Variants in ERLEC1 observed in about 807,000 individuals in gnomAD.
ERLEC1 encodes the protein ER lectin.
ERLEC1 carries 47 observed loss-of-function variants against 68.0 expected under a neutral mutation model. That is an observed-to-expected ratio of 0.69 (90% CI 0.55 to 0.88). The LOEUF is 0.88. ERLEC1 is among the 40% of genes least tolerant of loss of function. ERLEC1 has a pLI of 0.00. For missense variants in ERLEC1, 567 were observed against 583.8 expected (o/e 0.97, Z 0.30); for synonymous variants, 225 against 203.2 (o/e 1.11, Z -0.91).
intron 13 of ERLEC1, among the ~76,000 whole-genome samples, chr2:53,816,418 G>C (rs1308470464): frequency 6.6e-6 from 1 of 151,688 alleles, no homozygotes; most frequent in East Asian, 1.9e-4. Context: ...AGGCATATAT[G>C]GTACCACGTC....
intron 1 of ERLEC1, 129 bp downstream of exon 1, chr2:53,787,501 G>C: frequency 1.8e-6 from 2 of 1,142,706 alleles, no homozygotes; most frequent in Non-Finnish European, 2.4e-6. Context: ...CCAAGCCAAA[G>C]CTGCTTTTAT....
intron 13 of ERLEC1, among the ~76,000 whole-genome samples, chr2:53,815,386 A>G (rs1235478958): frequency 6.6e-6 from 1 of 152,178 alleles, no homozygotes; most frequent in Non-Finnish European, 1.5e-5. Flanking sequence ...CATACCACTC[A>G]TGTAATAGTT....
intron 1 of ERLEC1, among the ~76,000 whole-genome samples, chr2:53,791,906 T>TAAAAA (rs569591198): frequency 8.5e-6 from 1 of 117,762 alleles, no homozygotes; most frequent in East Asian, 2.9e-4. Flanking sequence ...AATGCTCTTT[T>TAAAAA]AAAAAAAAAA....
intron 8 of ERLEC1, among the ~76,000 whole-genome samples, chr2:53,807,786 T>C (rs544670622): frequency 3.7e-4 from 56 of 152,098 alleles, no homozygotes; most frequent in Non-Finnish European, 6.0e-4. Flanking sequence ...GTGGGTAGAT[T>C]ACTTGAGGTC....
At chr2:53,802,695 C>T (rs1406303465) in intron 8 of ERLEC1, among the ~76,000 whole-genome samples, 2 of 152,180 alleles carry the variant, frequency 1.3e-5, no homozygotes, top group Non-Finnish European at 2.9e-5. Flanking sequence ...CCTCATCTTT[C>T]ATCACCATTC....
chr2:53,814,471 C>A, intron 11 of ERLEC1, 72 bp from the exon 12 acceptor site: 2 of 1,053,782 alleles, frequency 1.9e-6, no homozygotes, highest in Non-Finnish European at 2.9e-6. Context: ...ACCATCTTCT[C>A]ACCCTACCCA....
chr2:53,812,182 T>C (rs1480847803), intron 10 of ERLEC1, among the ~76,000 whole-genome samples: 1 of 152,114 alleles, frequency 6.6e-6, no homozygotes, highest in African/African-American at 2.4e-5. Context: ...CCCAAAATGG[T>C]GGGATTACAA....
At chr2:53,802,133 T>C (rs1676039780) in intron 8 of ERLEC1, among the ~76,000 whole-genome samples, 1 of 152,182 alleles carries the variant, frequency 6.6e-6, no homozygotes, top group African/African-American at 2.4e-5. Context: ...TCTTGAAAAA[T>C]AGACTAAAAC....
chr2:53,787,528 C>A (rs1675117849), intron 1 of ERLEC1, 156 bp downstream of exon 1: 1 of 826,434 alleles, frequency 1.2e-6, no homozygotes, highest in Non-Finnish European at 1.8e-6. Context: ...TTCATTCATT[C>A]GTTCGTTCTC....
intron 10 of ERLEC1, among the ~76,000 whole-genome samples, chr2:53,812,731 C>G (rs901182721): frequency 2.6e-5 from 4 of 151,948 alleles, no homozygotes; most frequent in Non-Finnish European, 5.9e-5. Context: ...TTAGAGCTAG[C>G]CTTACTAAAA....
chr2:53,797,142 A>G (rs1037715362), intron 3 of ERLEC1, among the ~76,000 whole-genome samples: 1 of 152,024 alleles, frequency 6.6e-6, no homozygotes, highest in Non-Finnish European at 1.5e-5. Flanking sequence ...TGATCTGCCC[A>G]CCTTGGCCTC....
chr2:53,796,246 G>GTTTTTTTTTTTTTTTT (rs200295316), intron 3 of ERLEC1, among the ~76,000 whole-genome samples: 1 of 126,466 alleles, frequency 7.9e-6, no homozygotes, highest in Non-Finnish European at 1.7e-5. Flanking sequence ...TGATGGGTTG[G>GTTTTTTTTTTTTTTTT]TTTTTTTTTT....
chr2:53,793,326 A>G (rs1319976760), intron 1 of ERLEC1, among the ~76,000 whole-genome samples: 1 of 152,212 alleles, frequency 6.6e-6, no homozygotes, highest in Non-Finnish European at 1.5e-5. Flanking sequence ...TTCATAGTGT[A>G]GAAAGCTTTA....
chr2:53,805,715 A>C (rs1435633603), intron 8 of ERLEC1, among the ~76,000 whole-genome samples: 1 of 152,222 alleles, frequency 6.6e-6, no homozygotes, highest in Non-Finnish European at 1.5e-5. Context: ...TTTTTTGAGA[A>C]AGCTCCAGAC....
At chr2:53,797,053 C>T (rs933597643) in intron 3 of ERLEC1, among the ~76,000 whole-genome samples, 1 of 152,000 alleles carries the variant, frequency 6.6e-6, no homozygotes, top group South Asian at 2.1e-4. Flanking sequence ...TACCACATCC[C>T]GCTAATTTTT....
At chr2:53,789,298 G>A (rs902218304) in intron 1 of ERLEC1, among the ~76,000 whole-genome samples, 1 of 150,638 alleles carries the variant, frequency 6.6e-6, no homozygotes, top group African/African-American at 2.4e-5. Context: ...GGAGGCCGAG[G>A]CAGGAGAATC....
rs762626631 is a variant in ERLEC1 at position 53,801,813 on chromosome 2, C to T, written c.850C>T (p.Leu284=). The T allele has an allele frequency of 6.2e-7, 1 of 1,613,768 alleles. No homozygotes were observed. Among genetic ancestry groups the T allele is most frequent in the Non-Finnish European group, 8.5e-7 (1 of 1,179,768 alleles). Residue 284 remains leucine, a synonymous_variant, in exon 8 of 14, where the codon CTA becomes TTA. Transcript: ENST00000185150. ...GCAGCTGGAGCAGCAGGAAGAAATA[C>T]TAAGGGTGCCTTTTAGGAGAAATAA... is the stretch of plus-strand genomic sequence containing the variant. ...LRQLEQQEEI[L]RVPFRRNKEE...
chr2:53,788,834 T>C lies in ERLEC1; in HGVS notation c.162+1462T>C, dbSNP rs577868751. ...TTTAGCAGGCTTGGAAGAGAATACT[T>C]TAATACCTGTTGTTGTATCCAAAGA... is the stretch of plus-strand genomic sequence containing the variant. On this transcript the variant is annotated intron_variant, in intron 1 of 13. Coordinates refer to ENST00000185150, the MANE Select transcript of ERLEC1 (RefSeq NM_015701.5). 3 of 152,298 alleles carry C rather than the reference T, an allele frequency of 2.0e-5. No homozygotes were observed. In the East Asian group the frequency reaches 5.8e-4, roughly 29 times the overall value. The allele number at this position is 152,298 out of a possible 1,614,324, so 9.4% of individuals were successfully genotyped here.
At chr2:53,813,176 T>TG (rs1676684239) in intron 11 of ERLEC1, 103 bp downstream of exon 11, 2 of 1,412,094 alleles carry the variant, frequency 1.4e-6, no homozygotes, top group Admixed American at 4.9e-5. Context: ...AAATCCCTGT[T>TG]TAGTTTTTTT....
Sources: allele counts gnomAD v4.1 joint callset (sites outside exome capture counted in the v4.1 genomes callset), GRCh38; gene constraint gnomAD v4.1.1; transcripts MANE v1.5; gene names NCBI Gene and HGNC (gene_info 2026-07-23, HGNC 2026-07-21).